RGS12: variants seen among roughly 807,000 people sequenced by gnomAD.
RGS12 encodes the protein regulator of G protein signaling 12.
Under a neutral mutation model 120.1 loss-of-function variants are expected in RGS12, and 66 were observed. The observed-to-expected ratio is 0.55, with a 90% CI of 0.45 to 0.67. The LOEUF is 0.67. Ranked by LOEUF, RGS12 falls within the 30% of genes least tolerant of loss-of-function variation. The pLI is 0.00. For missense variants in RGS12, 1,859 were observed against 1,957.7 expected, an observed-to-expected ratio of 0.95 and a Z score of 0.95; for synonymous variants, 827 against 804.7, an observed-to-expected ratio of 1.03 and a Z score of -0.47.
At chr4:3,333,753 T>C (rs1712138156) in intron 2 of RGS12, among the ~76,000 whole-genome samples, 1 of 152,234 alleles carries the variant, frequency 6.6e-6, no homozygotes, top group Non-Finnish European at 1.5e-5. Context: ...TTCTGTCTTC[T>C]AGGGCAGGTT....
intron 3 of RGS12, among the ~76,000 whole-genome samples, chr4:3,367,372 C>T (rs16844212): frequency 0.33 from 49,507 of 152,296 alleles, 8,579 homozygotes; most frequent in African/African-American, 0.47. Flanking sequence ...GCCTGTGCAG[C>T]GCATGATCGG....
rs772946142 is a variant in RGS12, at chr4:3,356,354, C to T, written c.1998+13301C>T. On this transcript the variant is annotated intron_variant, in intron 3 of 17. Coordinates refer to ENST00000336727, the MANE Select transcript of RGS12 (RefSeq NM_001394154.1). ...ACAGGCATGAGCCACCATGCCTGGC[C>T]TTTCAATTTATTTTAATTGTGGTAA... 2.3e-4 allele frequency among the ~76,000 whole-genome samples: 35 copies of T among 152,018 alleles called. 1 individual carries two copies. Among genetic ancestry groups the T allele is most frequent in the Non-Finnish European group, 4.9e-4 (33 of 67,986 alleles).
At chr4:3,431,503 G>A (rs1233284051) in intron 17 of RGS12, 1 of 987,410 alleles carries the variant, frequency 1.0e-6, no homozygotes, top group Non-Finnish European at 1.2e-6. Flanking sequence ...CGGGAGTGGA[G>A]GTGACGTCAG....
chr4:3,345,097 T>A (rs532545399), intron 3 of RGS12, among the ~76,000 whole-genome samples: 5 of 152,198 alleles, frequency 3.3e-5, no homozygotes, highest in South Asian at 2.1e-4. Flanking sequence ...AAGACAGCAG[T>A]TTTTCAAGGA....
At chr4:3,406,427 T>G (rs868851085) in intron 4 of RGS12, among the ~76,000 whole-genome samples, 1 of 152,246 alleles carries the variant, frequency 6.6e-6, no homozygotes, top group Admixed American at 6.5e-5. Flanking sequence ...TCCATCAAGT[T>G]AGAGCTGCTT....
chr4:3,318,165 T>G lies in RGS12; in HGVS notation c.1881+114T>G. The stretch of plus-strand genomic sequence containing the variant: ...AGTCCTGGCTTCCTCCTGCTGGCCC[T>G]GTGGCCTCTGTGGCCATCACAGGGT... On this transcript the variant is annotated intron_variant, in intron 2 of 17. Transcript: ENST00000336727. 1.4e-5 allele frequency: 12 copies of G among 861,320 alleles called. No individual in the cohort carries two copies. The South Asian group carries it at 2.1e-4, about 15-fold the overall frequency. 53.4% of individuals were successfully genotyped at this position (861,320 alleles called of 1,614,324 possible).
chr4:3,319,406 A>T (rs1332349505), intron 2 of RGS12, among the ~76,000 whole-genome samples: 1 of 152,010 alleles, frequency 6.6e-6, no homozygotes, highest in African/African-American at 2.4e-5. Context: ...TTTTTAAAAC[A>T]CTTGTAATCA....
chr4:3,428,640 CA>C lies in RGS12; in HGVS notation c.3497del (p.Lys1166ArgfsTer44). 6.2e-7 allele frequency: 1 copy of C among 1,604,660 alleles called. No individual in the cohort carries two copies. The highest frequency in any genetic ancestry group is 8.5e-7 in the Non-Finnish European group (1 of 1,176,698). ...AAAAATGCTAGGGATCCCCGGCTTT[CA>C]AAGAGAGAAGAATCTATTGCAAAGA... ...NGKNARDPRLSKREESIAKIG... is the reference protein window; with the variant it reads ...NGKNARDPRLXKREESIAKIG... On this transcript the variant is annotated frameshift_variant, in exon 16 of 18. Coordinates refer to ENST00000336727, the MANE Select transcript of RGS12 (RefSeq NM_001394154.1). LOFTEE classifies it high-confidence loss of function.
chr4:3,438,186 G>A (rs968211609), intron 17 of RGS12, among the ~76,000 whole-genome samples: 2 of 152,162 alleles, frequency 1.3e-5, no homozygotes, highest in Non-Finnish European at 2.9e-5. Flanking sequence ...TGGGGCTCCT[G>A]CCACCCCATA....
At chr4:3,360,180 C>T (rs1715422301) in intron 3 of RGS12, among the ~76,000 whole-genome samples, 1 of 152,182 alleles carries the variant, frequency 6.6e-6, no homozygotes, top group African/African-American at 2.4e-5. Flanking sequence ...CTCTATAATT[C>T]TTGCTATGTC....
chr4:3,414,870 G>A (rs762216437), intron 6 of RGS12, 26 bp downstream of exon 6: 2 of 1,546,822 alleles, frequency 1.3e-6, no homozygotes, highest in Admixed American at 1.7e-5. Context: ...GGAAGTGGGG[G>A]CTGTGTGAGA....
Position 3,317,783 on chromosome 4 carries a change from T to A in RGS12, c.1613T>A (p.Leu538His). The A allele has an allele frequency of 1.2e-6, 2 of 1,613,348 alleles. No homozygotes were observed. The highest frequency in any genetic ancestry group is 1.7e-6 in the Non-Finnish European group (2 of 1,179,934). ...GAGCGFNQRW[L>H]PVHVLREWQC... ...GGCTGTGGTTTCAACCAGCGCTGGC[T>A]CCCGGTCCACGTGCTCCGGGAGTGG... Residue 538 changes from leucine (L) to histidine (H), a missense_variant, in exon 2 of 18, where the codon CTC becomes CAC. Physicochemically the swap from Leu to His is moderately conservative, Grantham distance 99 (BLOSUM62 -3). Transcript: ENST00000336727.
intron 1 of RGS12, among the ~76,000 whole-genome samples, chr4:3,298,091 A>G (rs543652294): frequency 3.3e-5 from 5 of 151,846 alleles, no homozygotes; most frequent in Non-Finnish European, 7.4e-5. Flanking sequence ...TCTGTGTGTG[A>G]TCTCTCCTGC....
At chr4:3,332,688 G>A (rs1282562183) in intron 2 of RGS12, among the ~76,000 whole-genome samples, 4 of 152,300 alleles carry the variant, frequency 2.6e-5, no homozygotes, top group African/African-American at 2.4e-5. Flanking sequence ...CATGGACTGC[G>A]GGAATGATAG....
chr4:3,295,247 C>G (rs1011556282), intron 1 of RGS12, among the ~76,000 whole-genome samples: 1 of 152,182 alleles, frequency 6.6e-6, no homozygotes, highest in Non-Finnish European at 1.5e-5. Context: ...CTGAGGCTGC[C>G]GCTAGTCAGC....
intron 1 of RGS12, among the ~76,000 whole-genome samples, chr4:3,305,518 A>G (rs1247311414): frequency 6.6e-6 from 1 of 152,190 alleles, no homozygotes; most frequent in East Asian, 1.9e-4. Context: ...ACCCCGGTCT[A>G]TTGACCTGAA....
Position 3,439,728 on chromosome 4 carries a change from G to A in RGS12, c.*44G>A, listed in dbSNP as rs1425693596. The A allele has an allele frequency of 4.8e-6, 7 of 1,446,860 alleles. No homozygotes were observed. The highest frequency in any genetic ancestry group is 5.5e-6 in the Non-Finnish European group (6 of 1,094,938). The allele number at this position is 1,446,860 out of a possible 1,614,324, so 89.6% of individuals were successfully genotyped here. ...ACTCTCCTGTGGACATGTCGGGGTG[G>A]GGCAGCCCAGGTGGATTCTGTGGGC... On this transcript the variant is annotated 3_prime_UTR_variant, in exon 18 of 18. Transcript: ENST00000336727.
rs565004782 is a variant in RGS12 at position 3,414,083 on chromosome 4, G to T, written c.2032G>T (p.Ala678Ser). 1.3e-6 allele frequency: 2 copies of T among 1,564,026 alleles called. No homozygotes were observed. The highest frequency in any genetic ancestry group is 2.3e-5 in the East Asian group (1 of 43,452). ...TGCTGGTCCCGCAGAGTTGACGGGC[G>T]CCGACCTGAAGGACTGCGTCAGCAA... is the stretch of plus-strand genomic sequence containing the variant. ...ATVSDGELTG[A>S]DLKDCVSNNS... The change falls in exon 5 of 18, where the codon GCC (alanine) becomes TCC (serine). Residue 678 changes from alanine to serine, a missense_variant. Around this residue, in one of 3 missense-constraint regions of RGS12, gnomAD observed 967 missense variants for 994.2 expected, o/e 0.97. Transcript: ENST00000336727.
Position 3,422,899 on chromosome 4 carries a change from C to T in RGS12, c.3034-6C>T, listed in dbSNP as rs752544469. The T allele has an allele frequency of 7.4e-6, 12 of 1,612,680 alleles. No individual in the cohort carries two copies. Among genetic ancestry groups the T allele is most frequent in the Non-Finnish European group, 1.0e-5 (12 of 1,179,594 alleles). On this transcript the variant is annotated splice_region_variant and splice_polypyrimidine_tract_variant and intron_variant, in intron 11 of 17. Coordinates refer to ENST00000336727, the MANE Select transcript of RGS12 (RefSeq NM_001394154.1). ...CCACGTTGATTCTGGTCTCTCTGTTCCTCAGCCTCTGGTGCTGCACCAAGA... is the reference window on the plus strand; with the variant it reads ...CCACGTTGATTCTGGTCTCTCTGTTTCTCAGCCTCTGGTGCTGCACCAAGA...
Sources: gnomAD v4.1 joint callset for allele counts (sites outside exome capture counted in the v4.1 genomes callset) on GRCh38, gnomAD v4.1.1 for gene constraint, gnomAD v4.1.1 regional missense constraint, MANE v1.5 for transcripts, NCBI Gene and HGNC (gene_info 2026-07-23, HGNC 2026-07-21) for gene names.